BCAS3: variants seen among roughly 807,000 people sequenced by gnomAD.
BCAS3 encodes the protein BCAS4/BCAS3 fusion.
Under a neutral mutation model 116.1 loss-of-function variants are expected in BCAS3, and 53 were observed. That is an observed-to-expected ratio of 0.46 (90% CI 0.37 to 0.57). The LOEUF is 0.57. Ranked by LOEUF, BCAS3 falls within the 20% of genes least tolerant of loss-of-function variation. BCAS3 has a pLI of 0.00. For missense variants in BCAS3, 917 were observed against 1,165.4 expected, an observed-to-expected ratio of 0.79 and a Z score of 3.10; for synonymous variants, 391 against 408.2, an observed-to-expected ratio of 0.96 and a Z score of 0.51.
intron 22 of BCAS3, among the ~76,000 whole-genome samples, chr17:61,173,123 C>T (rs1482139154): frequency 2.0e-5 from 3 of 151,878 alleles, no homozygotes; most frequent in East Asian, 1.9e-4. Flanking sequence ...ATCTAAATAA[C>T]TCATGGATTT....
intron 8 of BCAS3, among the ~76,000 whole-genome samples, chr17:60,874,443 A>G (rs889497317): frequency 6.6e-6 from 1 of 152,116 alleles, no homozygotes; most frequent in African/African-American, 2.4e-5. Flanking sequence ...TCTTCTAGTC[A>G]TCTCTATCTT....
At chr17:60,691,343 A>G (rs1466400289) in intron 4 of BCAS3, among the ~76,000 whole-genome samples, 1 of 151,988 alleles carries the variant, frequency 6.6e-6, no homozygotes, top group South Asian at 2.1e-4. Flanking sequence ...ACCATTTTTC[A>G]TTCCCACCAA....
rs1316082775 is a variant in BCAS3, at chr17:61,332,256, C to T, written c.2426-36071C>T. On this transcript the variant is annotated intron_variant, in intron 22 of 23. Coordinates refer to ENST00000407086, the MANE Select transcript of BCAS3 (RefSeq NM_017679.5). This position sits in a 1 kb window ranked among gnomAD's most constrained non-coding sequence, Gnocchi z 5.4. ...TTAGAACAGATACTGCCTGGTGACCCACCTAAAACAGTCTTACTAGGACAG... is the reference window on the plus strand; with the variant it reads ...TTAGAACAGATACTGCCTGGTGACCTACCTAAAACAGTCTTACTAGGACAG... 4.6e-5 allele frequency among the ~76,000 whole-genome samples: 7 copies of T among 152,176 alleles called. No individual in the cohort carries two copies. Among genetic ancestry groups the T allele is most frequent in the Non-Finnish European group, 8.8e-5 (6 of 68,022 alleles).
At chr17:60,798,846 T>G (rs1054328270) in intron 6 of BCAS3, among the ~76,000 whole-genome samples, 3 of 152,240 alleles carry the variant, frequency 2.0e-5, no homozygotes, top group Admixed American at 2.0e-4. Context: ...GTATTTGGTG[T>G]TGTCAGTGTT....
intron 21 of BCAS3, among the ~76,000 whole-genome samples, chr17:61,079,228 TA>T (rs147717294): frequency 6.6e-6 from 1 of 151,988 alleles, no homozygotes; most frequent in South Asian, 2.1e-4. Context: ...GTCTTCTCTT[TA>T]AAAAAAACTC....
intron 12 of BCAS3, among the ~76,000 whole-genome samples, chr17:60,916,312 G>A (rs1347832962): frequency 1.3e-5 from 2 of 152,208 alleles, no homozygotes; most frequent in Non-Finnish European, 2.9e-5. Context: ...GCTGAAGAAA[G>A]TGGTACAATA....
rs943297450 is a variant in BCAS3 at position 61,348,647 on chromosome 17, G to A, written c.2426-19680G>A. ...AGCAATTTCCCAATGAAGTCAACTT[G>A]CTTTATAGAGTCTGGGTTGCCCACA... On this transcript the variant is annotated intron_variant, in intron 22 of 23. Transcript: ENST00000407086. This position sits in a 1 kb window ranked among gnomAD's most constrained non-coding sequence, Gnocchi z 4.5. Among the ~76,000 whole-genome samples, 1 of 152,022 alleles carries A rather than the reference G, an allele frequency of 6.6e-6. No individual in the cohort carries two copies.
intron 15 of BCAS3, among the ~76,000 whole-genome samples, chr17:61,006,919 C>T (rs1055803119): frequency 1.3e-5 from 2 of 151,990 alleles, no homozygotes; most frequent in African/African-American, 2.4e-5. Context: ...GAGTGTCAAA[C>T]TACAATCCTA....
intron 22 of BCAS3, among the ~76,000 whole-genome samples, chr17:61,108,525 A>T (rs2074824264): frequency 1.4e-5 from 2 of 140,300 alleles, no homozygotes; most frequent in African/African-American, 2.7e-5. Flanking sequence ...TTTAGGCTCG[A>T]TTTGGTTTTT....
chr17:60,844,067 T>G (rs1236842153), intron 7 of BCAS3, among the ~76,000 whole-genome samples: 1 of 152,184 alleles, frequency 6.6e-6, no homozygotes, highest in Non-Finnish European at 1.5e-5. Flanking sequence ...CCTCCTGGGT[T>G]CAAGGGATTC....
At chr17:60,935,607 T>G (rs970800107) in intron 13 of BCAS3, among the ~76,000 whole-genome samples, 2 of 152,168 alleles carry the variant, frequency 1.3e-5, no homozygotes, top group Admixed American at 1.3e-4. Context: ...CAGAGACACT[T>G]GGTCATTTGG....
chr17:60,851,234 A>G (rs947035287), intron 7 of BCAS3: 2 of 212,374 alleles, frequency 9.4e-6, no homozygotes, highest in African/African-American at 4.8e-5. Context: ...CAGTAAGAAA[A>G]TGAACAATCC....
intron 5 of BCAS3, among the ~76,000 whole-genome samples, chr17:60,714,531 T>TGGC (rs1332090156): frequency 6.6e-6 from 1 of 152,124 alleles, no homozygotes; most frequent in East Asian, 1.9e-4. Flanking sequence ...TGGCCACCTG[T>TGGC]AATCCCAGCT....
intron 22 of BCAS3, among the ~76,000 whole-genome samples, chr17:61,157,921 C>T (rs539848490): frequency 6.6e-6 from 1 of 152,304 alleles, no homozygotes; most frequent in Admixed American, 6.5e-5. Flanking sequence ...TCTCTAACTA[C>T]CTTATTTCCT....
At chr17:61,310,292 G>A (rs2054193684) in intron 22 of BCAS3, among the ~76,000 whole-genome samples, 1 of 152,168 alleles carries the variant, frequency 6.6e-6, no homozygotes, top group South Asian at 2.1e-4. Flanking sequence ...AGTGGCTCAC[G>A]CCTGTAATCC....
At chr17:61,383,645 GC>G (rs2059707995) in intron 23 of BCAS3, 1 of 152,292 alleles carries the variant, frequency 6.6e-6, no homozygotes, top group Non-Finnish European at 1.5e-5. Flanking sequence ...AAGAGCACAG[GC>G]CTTTGCCTTT....
At chr17:60,948,510 A>T (rs2060650741) in intron 14 of BCAS3, among the ~76,000 whole-genome samples, 1 of 152,152 alleles carries the variant, frequency 6.6e-6, no homozygotes, top group Non-Finnish European at 1.5e-5. Context: ...TTTGTTTCAT[A>T]CCTTATATGC....
rs1424415356 is a variant in BCAS3, at chr17:61,364,456, C to A, written c.2426-3871C>A. 6.6e-6 allele frequency among the ~76,000 whole-genome samples: 1 copy of A among 152,210 alleles called. No homozygotes were observed. Among genetic ancestry groups the A allele is most frequent in the East Asian group, 1.9e-4 (1 of 5,194 alleles). ...CTTGGCCAGGCGCAGTGGCTCATGC[C>A]TGTAATTCCAGCACTTTGGGAGGCG... On this transcript the variant is annotated intron_variant, in intron 22 of 23. Transcript: ENST00000407086. This position sits in a 1 kb window ranked among gnomAD's most constrained non-coding sequence, Gnocchi z 5.4.
intron 4 of BCAS3, among the ~76,000 whole-genome samples, chr17:60,690,251 A>G (rs534959119): frequency 6.6e-6 from 1 of 152,294 alleles, no homozygotes; most frequent in Non-Finnish European, 1.5e-5. Flanking sequence ...ACATTGTAGC[A>G]TAGGTCAGAA....
Sources: allele counts gnomAD v4.1 joint callset (sites outside exome capture counted in the v4.1 genomes callset), GRCh38; gene constraint gnomAD v4.1.1; non-coding constraint Gnocchi (gnomAD v3.1); transcripts MANE v1.5; gene names NCBI Gene and HGNC (gene_info 2026-07-23, HGNC 2026-07-21).